The following MACF1 variants were observed in gnomAD, a reference collection of about 807,000 sequenced individuals.
MACF1 encodes the protein microtubule-actin cross-linking factor 1.
A neutral mutation model predicts 854.8 loss-of-function variants in MACF1; 193 were observed. The ratio of observed to expected loss-of-function variants is 0.23; its 90% CI spans 0.20 to 0.25. The LOEUF (loss-of-function observed/expected upper bound fraction) is 0.25. Among genes scored for constraint, MACF1 ranks in the 10% least tolerant of loss-of-function variants. MACF1 has a pLI of 1.00. For synonymous variants in MACF1, 3,185 were observed against 3,226.7 expected, an observed-to-expected ratio of 0.99 and a Z score of 0.44; for missense variants, 7,722 against 8,929.1, an observed-to-expected ratio of 0.86 and a Z score of 5.45.
chr1:39,203,512 G>T (rs1158449489), upstream of MACF1, among the ~76,000 whole-genome samples: 1 of 152,176 alleles, frequency 6.6e-6, no homozygotes, highest in Non-Finnish European at 1.5e-5. Context: ...GCCTGATTTA[G>T]TGAGTTTGGA....
intron 58 of MACF1, chr1:39,414,454 A>G (rs770780280): frequency 3.7e-6 from 6 of 1,614,028 alleles, no homozygotes; most frequent in Admixed American, 1.7e-5. Context: ...TCTGGCTGCA[A>G]CCGCTGGATT....
At chr1:39,252,200 A>G (rs569530036) in intron 4 of MACF1, among the ~76,000 whole-genome samples, 8 of 152,182 alleles carry the variant, frequency 5.3e-5, no homozygotes, top group Admixed American at 5.2e-4. Context: ...TGGAGGTGTC[A>G]AGTTCTCTTC....
Position 39,333,253 on chromosome 1 carries a change from A to T in MACF1, c.6665A>T (p.His2222Leu). 1 of 1,613,914 alleles carries T rather than the reference A, an allele frequency of 6.2e-7. No homozygotes were observed. The highest frequency in any genetic ancestry group is 8.5e-7 in the Non-Finnish European group (1 of 1,179,990). The change falls in exon 37 of 101, where the codon CAT becomes CTT. Residue 2222 changes from histidine to leucine, a missense_variant. This residue lies in a region of MACF1 where 1,531 missense variants were observed against 1,601.6 expected (regional missense o/e 0.96). Coordinates refer to ENST00000564288, the MANE Select transcript of MACF1 (RefSeq NM_001394062.1). Reference sequence around the variant, plus strand: ...AAGTCTGAAACTGATGGGAATGTTCATCCTCTGGACAAAAAGGAAATGTTA... The same window carrying T: ...AAGTCTGAAACTGATGGGAATGTTCTTCCTCTGGACAAAAAGGAAATGTTA... ...ELKSETDGNV[H>L]PLDKKEMLKK...
intron 2 of MACF1, among the ~76,000 whole-genome samples, chr1:39,115,606 T>C (rs1263537856): frequency 6.6e-6 from 1 of 152,078 alleles, no homozygotes; most frequent in Admixed American, 6.6e-5. Flanking sequence ...CAGGAGGTAG[T>C]TGGTTGTAAT....
intron 1 of MACF1, among the ~76,000 whole-genome samples, 153 bp from the exon 2 acceptor site, chr1:39,231,029 C>T (rs773883392): frequency 6.6e-6 from 1 of 152,180 alleles, no homozygotes; most frequent in Non-Finnish European, 1.5e-5. Context: ...AGAGGAAGTT[C>T]AGCTAGGCCA....
At chr1:39,322,160 C>T (rs1331206617) in intron 31 of MACF1, among the ~76,000 whole-genome samples, 3 of 152,194 alleles carry the variant, frequency 2.0e-5, no homozygotes, top group Non-Finnish European at 4.4e-5. Context: ...TTCACATCCC[C>T]TCTCTGGGTT....
Position 39,318,566 on chromosome 1 carries a change from G to A in MACF1, c.3896G>A (p.Gly1299Asp). 1 of 1,613,898 alleles carries A rather than the reference G, an allele frequency of 6.2e-7. No homozygotes were observed. The change falls in exon 30 of 101, where the codon GGC becomes GAC. Residue 1299 changes from glycine to aspartate, a missense_variant. Around this residue, in one of 15 missense-constraint regions of MACF1, gnomAD observed 1,137 missense variants for 1,263.0 expected, o/e 0.90. Transcript: ENST00000564288. ...TTAQQEMMKP[G>D]QAEDSRVLSE... Reference sequence around the variant, plus strand: ...GCCCAGCAGGAAATGATGAAGCCAGGCCAGGCAGAGGATAGCAGAGTGCTT... The same window carrying A: ...GCCCAGCAGGAAATGATGAAGCCAGACCAGGCAGAGGATAGCAGAGTGCTT...
At chr1:39,094,306 G>T (rs548881520) in intron 2 of MACF1, among the ~76,000 whole-genome samples, 61 of 152,110 alleles carry the variant, frequency 4.0e-4, no homozygotes, top group African/African-American at 1.2e-3. Context: ...AATTAGCCAG[G>T]CAGGAGAATC....
chr1:39,291,503 G>C (rs1302132721), intron 15 of MACF1, among the ~76,000 whole-genome samples: 2 of 152,166 alleles, frequency 1.3e-5, no homozygotes, highest in Non-Finnish European at 2.9e-5. Flanking sequence ...TTGGCCAGTA[G>C]TTGATGTCAT....
chr1:39,235,664 T>G (rs1644852513), intron 2 of MACF1, among the ~76,000 whole-genome samples: 1 of 152,228 alleles, frequency 6.6e-6, no homozygotes, highest in South Asian at 2.1e-4. Context: ...ACCATTATAA[T>G]AGTTTCCTAA....
chr1:39,431,719 G>T (rs989893452), intron 66 of MACF1, among the ~76,000 whole-genome samples: 1 of 152,146 alleles, frequency 6.6e-6, no homozygotes, highest in African/African-American at 2.4e-5. Context: ...CACACCTGTA[G>T]TCCCAGCACT....
At position 39,437,958 on chromosome 1, in the gene MACF1, A is replaced by G. The variant is rs1644016656; in HGVS notation, c.18170A>G (p.Glu6057Gly). Residue 6057 changes from glutamate to glycine, a missense_variant, in exon 71 of 101, where the codon GAG becomes GGG. Physicochemically the swap from Glu to Gly is moderately conservative, Grantham distance 98. Around this residue, in one of 15 missense-constraint regions of MACF1, gnomAD observed 2,807 missense variants for 3,235.8 expected, o/e 0.87. Transcript: ENST00000564288. ...PSFEALKRRG[E>G]ELIGRSQGAD... ...TTTGAGGCCTTGAAGCGCCGTGGAG[A>G]GGAGCTTATTGGACGATCTCAGGGA... 1.2e-6 allele frequency: 2 copies of G among 1,613,996 alleles called. No homozygotes were observed. The highest frequency in any genetic ancestry group is 2.2e-5 in the East Asian group (1 of 44,880).
intron 58 of MACF1, chr1:39,411,452 G>T: frequency 6.2e-7 from 1 of 1,613,866 alleles, no homozygotes; most frequent in Non-Finnish European, 8.5e-7. Context: ...CAGATTTGTT[G>T]CCCTGATGAC....
At position 39,444,709 on chromosome 1, in the gene MACF1, A is replaced by G. The variant is rs1408811073; in HGVS notation, c.19479A>G (p.Leu6493=). 3.0e-5 allele frequency: 49 copies of G among 1,614,032 alleles called. No individual in the cohort carries two copies. Among genetic ancestry groups the G allele is most frequent in the Non-Finnish European group, 4.1e-5 (48 of 1,179,934 alleles). ...LKAKEETYNQ[L]LDKGRLMLLS... ...CCAAGGAAGAGACTTATAATCAACT[A>G]CTTGACAAGGGCAGACTCATGCTTC... is the stretch of plus-strand genomic sequence containing the variant. Residue 6493 remains leucine (L), a synonymous_variant, in exon 80 of 101, where the codon CTA becomes CTG. Transcript: ENST00000564288.
At position 39,379,193 on chromosome 1, in the gene MACF1, A is replaced by G. The variant is rs200772357; in HGVS notation, c.13277-10A>G. 2.5e-4 allele frequency: 386 copies of G among 1,563,190 alleles called. 1 individual carries two copies. The Admixed American group carries it at 5.0e-3, about 20-fold the overall frequency. On this transcript the variant is annotated splice_polypyrimidine_tract_variant and intron_variant, in intron 53 of 100. Coordinates refer to ENST00000564288, the MANE Select transcript of MACF1 (RefSeq NM_001394062.1). The stretch of plus-strand genomic sequence containing the variant: ...TGTCTCCAATCTGATTTCTGTTTCT[A>G]TGATACTAGATCTGACGGAGATCCA...
intron 40 of MACF1, among the ~76,000 whole-genome samples, chr1:39,345,245 A>G (rs1369854122): frequency 6.6e-6 from 1 of 152,218 alleles, no homozygotes; most frequent in East Asian, 1.9e-4. Context: ...GGAAAAATAT[A>G]ACTATAACAA....
At position 39,460,854 on chromosome 1, in the gene MACF1, G is replaced by A. The variant is rs959165222; in HGVS notation, c.21523+60G>A. 9 of 1,574,050 alleles carry A rather than the reference G, an allele frequency of 5.7e-6. No individual in the cohort carries two copies. In the African/African-American group the frequency reaches 8.1e-5, roughly 14 times the overall value. On this transcript the variant is annotated intron_variant, in intron 92 of 100. Transcript: ENST00000564288. This position sits in a 1 kb window ranked among gnomAD's most constrained non-coding sequence, Gnocchi z 4.1. Reference sequence around the variant, plus strand: ...CCTGGATTCCTTGCACTTTGTAGAAGCTGTGATATTCTAGCTAAACAGTCT... The same window carrying A: ...CCTGGATTCCTTGCACTTTGTAGAAACTGTGATATTCTAGCTAAACAGTCT...
At chr1:39,293,329 C>T in intron 17 of MACF1, 129 bp from the exon 18 acceptor site, 1 of 867,228 alleles carries the variant, frequency 1.2e-6, no homozygotes. Flanking sequence ...AACTTGAATC[C>T]ATGGGGAAAA....
intron 61 of MACF1, among the ~76,000 whole-genome samples, chr1:39,424,639 G>T (rs1337097272): frequency 2.0e-5 from 3 of 152,098 alleles, no homozygotes; most frequent in Non-Finnish European, 2.9e-5. Context: ...CTAGTCTGTG[G>T]TTCTGTTAAA....
Sources: gnomAD v4.1 joint callset for allele counts (sites outside exome capture counted in the v4.1 genomes callset) on GRCh38, gnomAD v4.1.1 for gene constraint, gnomAD v4.1.1 regional missense constraint, Gnocchi (gnomAD v3.1) non-coding constraint, MANE v1.5 for transcripts, NCBI Gene and HGNC (gene_info 2026-07-23, HGNC 2026-07-21) for gene names.